Variants in EYS observed in about 807,000 individuals in gnomAD.
EYS encodes protein eyes shut homolog.
A neutral mutation model predicts 282.1 loss-of-function variants in EYS; 250 were observed. The ratio of observed to expected loss-of-function variants is 0.89; its 90% CI spans 0.80 to 0.98. The LOEUF (loss-of-function observed/expected upper bound fraction) is 0.98. Ranked by LOEUF, EYS falls within the 50% of genes least tolerant of loss-of-function variation. The probability of loss-of-function intolerance (pLI) is 0.00; values close to 1 mark genes in which losing one functional copy is unlikely to be tolerated. For missense variants in EYS, 4,016 were observed against 3,709.0 expected (o/e 1.08, Z -2.15); for synonymous variants, 1,355 against 1,282.9 (o/e 1.06, Z -1.20).
intron 31 of EYS, among the ~76,000 whole-genome samples, chr6:64,102,793 T>C: frequency 6.6e-6 from 1 of 152,290 alleles, no homozygotes; most frequent in East Asian, 1.9e-4. Context: ...AAAATAATAG[T>C]TTCATATTGT....
At chr6:64,166,024 C>A (rs937456172) in intron 31 of EYS, among the ~76,000 whole-genome samples, 1 of 152,034 alleles carries the variant, frequency 6.6e-6, no homozygotes, top group African/African-American at 2.4e-5. Flanking sequence ...TAATTGAGTG[C>A]ATTATTTTTG....
intron 28 of EYS, among the ~76,000 whole-genome samples, chr6:64,404,989 ATTTAT>A (rs1773661467): frequency 6.6e-6 from 1 of 151,886 alleles, no homozygotes; most frequent in Non-Finnish European, 1.5e-5. Flanking sequence ...ATTTTATTTT[ATTTAT>A]TTTAAAGTTC....
intron 13 of EYS, among the ~76,000 whole-genome samples, chr6:65,028,430 A>G (rs1772489267): frequency 6.6e-6 from 1 of 151,954 alleles, no homozygotes; most frequent in African/African-American, 2.4e-5. Context: ...GTTTTCTAAG[A>G]ACAATGTTAT....
chr6:64,365,554 T>A (rs901242096), intron 29 of EYS, among the ~76,000 whole-genome samples: 4 of 152,012 alleles, frequency 2.6e-5, no homozygotes, highest in African/African-American at 9.7e-5. Context: ...GTCTTTGACA[T>A]CTCTGCACTG....
At chr6:63,811,537 T>A (rs1163172036) in intron 36 of EYS, among the ~76,000 whole-genome samples, 1 of 152,180 alleles carries the variant, frequency 6.6e-6, no homozygotes, top group African/African-American at 2.4e-5. Context: ...GTTATCTCCA[T>A]CTACCATCAT....
At chr6:64,347,077 G>T (rs953754997) in intron 29 of EYS, among the ~76,000 whole-genome samples, 2 of 150,928 alleles carry the variant, frequency 1.3e-5, no homozygotes, top group Non-Finnish European at 3.0e-5. Context: ...ATTCATGTGG[G>T]GACAAAAAAG....
intron 33 of EYS, among the ~76,000 whole-genome samples, chr6:64,047,341 C>A (rs1161575344): frequency 6.6e-6 from 1 of 152,006 alleles, no homozygotes; most frequent in Non-Finnish European, 1.5e-5. Flanking sequence ...CAGCAAAAAA[C>A]AACAGAAACA....
intron 29 of EYS, among the ~76,000 whole-genome samples, chr6:64,341,854 C>T (rs1218376820): frequency 6.6e-6 from 1 of 151,452 alleles, no homozygotes; most frequent in Admixed American, 6.6e-5. Context: ...AGAATGGTCA[C>T]CATGATACAC....
intron 29 of EYS, among the ~76,000 whole-genome samples, chr6:64,378,259 C>G (rs1437299438): frequency 6.6e-6 from 1 of 152,108 alleles, no homozygotes; most frequent in Non-Finnish European, 1.5e-5. Flanking sequence ...ACAAGTTACA[C>G]TGTCTTAAAT....
At chr6:65,408,439 T>G (rs1562160006) in intron 5 of EYS, among the ~76,000 whole-genome samples, 1 of 152,116 alleles carries the variant, frequency 6.6e-6, no homozygotes, top group Non-Finnish European at 1.5e-5. Context: ...CATTTCTTCT[T>G]GAGTCACTGT....
chr6:65,036,298 C>T (rs1393795890), intron 13 of EYS, among the ~76,000 whole-genome samples: 1 of 151,756 alleles, frequency 6.6e-6, no homozygotes, highest in Non-Finnish European at 1.5e-5. Flanking sequence ...TGAAACTTGA[C>T]CCCTTACCTT....
chr6:64,482,825 G>A (rs1192414275), intron 26 of EYS, among the ~76,000 whole-genome samples: 1 of 151,630 alleles, frequency 6.6e-6, no homozygotes, highest in Admixed American at 6.6e-5. Context: ...ACCTGCAGAT[G>A]ACTAAGTATA....
intron 26 of EYS, among the ~76,000 whole-genome samples, chr6:64,485,817 A>G (rs1776565516): frequency 6.6e-6 from 1 of 151,440 alleles, no homozygotes; most frequent in Admixed American, 6.6e-5. Flanking sequence ...ATATGTATTA[A>G]TTATTGGGCC....
At chr6:64,963,729 T>C (rs1770003383) in intron 14 of EYS, among the ~76,000 whole-genome samples, 1 of 152,168 alleles carries the variant, frequency 6.6e-6, no homozygotes, top group African/African-American at 2.4e-5. Context: ...CAAACAGATT[T>C]TAGTCAATTT....
At chr6:64,711,950 A>G (rs2149935134) in intron 22 of EYS, among the ~76,000 whole-genome samples, 1 of 152,290 alleles carries the variant, frequency 6.6e-6, no homozygotes, top group East Asian at 1.9e-4. Flanking sequence ...GTGGAGAAAC[A>G]ATTAGGAAAG....
chr6:65,099,333 G>A (rs1031314554), intron 12 of EYS, among the ~76,000 whole-genome samples: 1 of 150,596 alleles, frequency 6.6e-6, no homozygotes, highest in African/African-American at 2.4e-5. Flanking sequence ...CTACATTTAT[G>A]AATAAAATAA....
At chr6:64,261,254 G>A (rs1767577480) in intron 30 of EYS, among the ~76,000 whole-genome samples, 2 of 152,020 alleles carry the variant, frequency 1.3e-5, no homozygotes, top group Non-Finnish European at 2.9e-5. Flanking sequence ...GACCTGAAAA[G>A]CACAGACAAC....
chr6:65,254,938 C>T (rs1377343495), intron 12 of EYS, among the ~76,000 whole-genome samples: 1 of 151,824 alleles, frequency 6.6e-6, no homozygotes, highest in South Asian at 2.1e-4. Context: ...AATGTTCAAA[C>T]ATATCACTTG....
chr6:65,335,263 G>T (rs1769945207), intron 10 of EYS, 117 bp from the exon 11 acceptor site: 1 of 779,394 alleles, frequency 1.3e-6, no homozygotes, highest in East Asian at 2.6e-5. Flanking sequence ...GAAACCTAGG[G>T]TTAAGGAAAC....
Sources: allele counts gnomAD v4.1 joint callset (sites outside exome capture counted in the v4.1 genomes callset), GRCh38; gene constraint gnomAD v4.1.1; transcripts MANE v1.5; gene names NCBI Gene and HGNC (gene_info 2026-07-23, HGNC 2026-07-21).